APBA2: variants seen among roughly 807,000 people sequenced by gnomAD.
APBA2 encodes the protein amyloid-beta A4 precursor protein-binding family A member 2.
In APBA2, 30 loss-of-function variants were observed where a neutral mutation model predicts 75.0. That is an observed-to-expected ratio of 0.40 (90% CI 0.30 to 0.54). The LOEUF is 0.54. Ranked by LOEUF, APBA2 falls within the 20% of genes least tolerant of loss-of-function variation. The pLI is 0.49. For synonymous variants in APBA2, 444 were observed against 409.6 expected (o/e 1.08, Z -1.01); for missense variants, 801 against 1,016.1 (o/e 0.79, Z 2.88).
chr15:29,094,409 T>A, intron 8 of APBA2, 96 bp downstream of exon 8: 1 of 1,201,084 alleles, frequency 8.3e-7, no homozygotes, highest in Non-Finnish European at 1.2e-6. Flanking sequence ...CCTGGGGATC[T>A]AAATAATGTT....
At chr15:29,034,346 T>G (rs2040638513) in intron 3 of APBA2, among the ~76,000 whole-genome samples, 1 of 152,196 alleles carries the variant, frequency 6.6e-6, no homozygotes. Flanking sequence ...GAGTCATCTC[T>G]TTTGCATAAA....
At chr15:29,090,054 C>T (rs917599398) in intron 6 of APBA2, among the ~76,000 whole-genome samples, 2 of 152,186 alleles carry the variant, frequency 1.3e-5, no homozygotes, top group East Asian at 3.9e-4. Flanking sequence ...CACCATGCCG[C>T]CCCCACTGGA....
intron 3 of APBA2, among the ~76,000 whole-genome samples, chr15:29,052,591 C>T (rs980364752): frequency 1.3e-5 from 2 of 152,132 alleles, no homozygotes; most frequent in Non-Finnish European, 2.9e-5. Context: ...AGCCTCTAGC[C>T]TCTGTCCCCA....
Position 29,062,115 on chromosome 15 carries a change from G to A in APBA2, c.951+7280G>A, listed in dbSNP as rs1027461015. Among the ~76,000 whole-genome samples, 4 of 152,104 alleles carry A rather than the reference G, an allele frequency of 2.6e-5. No homozygotes were observed. The East Asian group carries it at 7.7e-4, about 29-fold the overall frequency. On this transcript the variant is annotated intron_variant, in intron 4 of 14. Coordinates refer to ENST00000683413, the MANE Select transcript of APBA2 (RefSeq NM_001353788.2). ...TATGGGGGGCATTGGGGCATGGTCT[G>A]CCTGGGAAGGGGAAGGTCCTCTCCA...
intron 4 of APBA2, among the ~76,000 whole-genome samples, chr15:29,070,390 C>T (rs573947468): frequency 6.6e-6 from 1 of 152,226 alleles, no homozygotes; most frequent in South Asian, 2.1e-4. Context: ...ACAGGCCTGC[C>T]TAGAGATTTG....
chr15:29,095,384 C>G lies in APBA2; in HGVS notation c.1251+1071C>G, dbSNP rs1036777376. Among the ~76,000 whole-genome samples the G allele has an allele frequency of 3.1e-4, 47 of 150,678 alleles. 1 individual carries two copies. Among genetic ancestry groups the G allele is most frequent in the African/African-American group, 9.6e-4 (39 of 40,816 alleles). ...GCAAGAGGTCGCAGTGAGCCGAGAT[C>G]ATGCCATTGCACTCCAGCCTGGGCA... On this transcript the variant is annotated intron_variant, in intron 8 of 14. Coordinates refer to ENST00000683413, the MANE Select transcript of APBA2 (RefSeq NM_001353788.2).
At chr15:28,969,845 G>A (rs1157031709) in intron 2 of APBA2, among the ~76,000 whole-genome samples, 1 of 152,234 alleles carries the variant, frequency 6.6e-6, no homozygotes, top group Non-Finnish European at 1.5e-5. Flanking sequence ...CTTAGGTGCC[G>A]AAGCCAGAAT....
At chr15:28,913,954 C>G (rs575998844) in intron 1 of APBA2, among the ~76,000 whole-genome samples, 1 of 152,156 alleles carries the variant, frequency 6.6e-6, no homozygotes, top group Non-Finnish European at 1.5e-5. Flanking sequence ...GGTACACTCA[C>G]GCACACCCCT....
chr15:29,017,319 A>G (rs1042020602), intron 3 of APBA2, among the ~76,000 whole-genome samples: 3 of 140,060 alleles, frequency 2.1e-5, no homozygotes, highest in African/African-American at 8.0e-5. Context: ...ATTCCCATCT[A>G]TCTGATTTTT....
chr15:29,038,255 C>G (rs2040845448), intron 3 of APBA2, among the ~76,000 whole-genome samples: 1 of 152,216 alleles, frequency 6.6e-6, no homozygotes, highest in African/African-American at 2.4e-5. Flanking sequence ...CAGAGCTCCT[C>G]TCCAGGCACG....
intron 2 of APBA2, among the ~76,000 whole-genome samples, chr15:28,957,321 C>T (rs898217047): frequency 3.3e-5 from 5 of 152,094 alleles, no homozygotes; most frequent in Non-Finnish European, 5.9e-5. Flanking sequence ...GTGATCCGCC[C>T]GCCTCGGCCT....
Position 29,053,846 on chromosome 15 carries a change from G to A in APBA2, c.-39G>A. 1 of 1,577,980 alleles carries A rather than the reference G, an allele frequency of 6.3e-7. No homozygotes were observed. Among genetic ancestry groups the A allele is most frequent in the Non-Finnish European group, 8.7e-7 (1 of 1,155,176 alleles). On this transcript the variant is annotated splice_region_variant and 5_prime_UTR_variant, in exon 4 of 15. Coordinates refer to ENST00000683413, the MANE Select transcript of APBA2 (RefSeq NM_001353788.2). ...CCTTCCCAATGTTCCTCCCCACAGT[G>A]GCTGCCTCCGGGTGATGATGGCTGT...
At chr15:28,924,875 A>G (rs932949421) in intron 2 of APBA2, among the ~76,000 whole-genome samples, 4 of 152,188 alleles carry the variant, frequency 2.6e-5, no homozygotes, top group Admixed American at 6.5e-5. Context: ...CATTCCCGCC[A>G]GCACTGAATG....
At chr15:29,060,977 G>A (rs2042106516) in intron 4 of APBA2, among the ~76,000 whole-genome samples, 1 of 152,300 alleles carries the variant, frequency 6.6e-6, no homozygotes, top group East Asian at 1.9e-4. Flanking sequence ...CTCCAGGGAT[G>A]AGCCTGTGGA....
intron 6 of APBA2, among the ~76,000 whole-genome samples, chr15:29,079,904 C>T (rs1035383122): frequency 6.6e-6 from 1 of 152,212 alleles, no homozygotes; most frequent in African/African-American, 2.4e-5. Flanking sequence ...TGCCATGCAG[C>T]ATCTCTCTAT....
intron 2 of APBA2, among the ~76,000 whole-genome samples, chr15:28,990,974 A>G (rs962100930): frequency 3.3e-5 from 5 of 152,222 alleles, no homozygotes; most frequent in Non-Finnish European, 7.3e-5. Flanking sequence ...ACATTTGCAC[A>G]AATGAGAGTC....
chr15:28,902,230 G>C (rs927079841), intron 1 of APBA2, among the ~76,000 whole-genome samples: 2 of 152,100 alleles, frequency 1.3e-5, no homozygotes, highest in Non-Finnish European at 2.9e-5. Flanking sequence ...AAGTCATGTG[G>C]GTGGCACATG....
At chr15:28,960,918 C>T (rs1018938092) in intron 2 of APBA2, among the ~76,000 whole-genome samples, 1 of 151,992 alleles carries the variant, frequency 6.6e-6, no homozygotes, top group Non-Finnish European at 1.5e-5. Context: ...CACCACCATG[C>T]CTGGCTAATT....
At chr15:28,971,805 C>T (rs1281833229) in intron 2 of APBA2, among the ~76,000 whole-genome samples, 1 of 152,128 alleles carries the variant, frequency 6.6e-6, no homozygotes, top group Non-Finnish European at 1.5e-5. Context: ...CAGACCTCTC[C>T]CTCCCTACTG....
Sources: gnomAD v4.1 joint callset for allele counts (sites outside exome capture counted in the v4.1 genomes callset) on GRCh38, gnomAD v4.1.1 for gene constraint, MANE v1.5 for transcripts, NCBI Gene and HGNC (gene_info 2026-07-23, HGNC 2026-07-21) for gene names.